The following FHIT variants were observed in gnomAD, a reference collection of about 807,000 sequenced individuals.
FHIT encodes bis(5'-adenosyl)-triphosphatase.
A neutral mutation model predicts 17.9 loss-of-function variants in FHIT; 19 were observed. The observed-to-expected ratio is 1.06, with a 90% CI of 0.74 to 1.56. FHIT has a LOEUF of 1.56. Among genes scored for constraint, FHIT ranks in the 40% most tolerant of loss-of-function variants. The pLI is 0.00. For missense variants in FHIT, 248 were observed against 189.2 expected, an observed-to-expected ratio of 1.31 and a Z score of -1.82; for synonymous variants, 81 against 69.7, an observed-to-expected ratio of 1.16 and a Z score of -0.81.
At chr3:61,097,697 G>T (rs1467787695) in intron 2 of FHIT, among the ~76,000 whole-genome samples, 1 of 152,116 alleles carries the variant, frequency 6.6e-6, no homozygotes, top group African/African-American at 2.4e-5. Flanking sequence ...TTTCTCTAAT[G>T]ATCAGTGATG....
chr3:59,817,989 G>A (rs1025946253), intron 8 of FHIT, among the ~76,000 whole-genome samples: 1 of 152,098 alleles, frequency 6.6e-6, no homozygotes, highest in African/African-American at 2.4e-5. Flanking sequence ...AGAAACTATA[G>A]AGACCACTGT....
intron 7 of FHIT, among the ~76,000 whole-genome samples, chr3:59,939,455 A>G (rs1442123930): frequency 6.6e-6 from 1 of 152,136 alleles, no homozygotes; most frequent in Non-Finnish European, 1.5e-5. Flanking sequence ...CCTTTTAGGA[A>G]CTTTCAGCAT....
chr3:60,701,646 C>T (rs532879341), intron 4 of FHIT, among the ~76,000 whole-genome samples: 2 of 152,134 alleles, frequency 1.3e-5, no homozygotes, highest in East Asian at 1.9e-4. Flanking sequence ...TACAAAATAG[C>T]TCAAGTACTG....
chr3:60,136,009 T>TA (rs750877018), intron 5 of FHIT, among the ~76,000 whole-genome samples: 145 of 152,236 alleles, frequency 9.5e-4, no homozygotes, highest in Non-Finnish European at 1.2e-3. Flanking sequence ...TGTATTTGAG[T>TA]AATTGCTGGT....
chr3:59,791,374 T>A (rs1417743356), intron 8 of FHIT, among the ~76,000 whole-genome samples: 1 of 152,204 alleles, frequency 6.6e-6, no homozygotes, highest in Non-Finnish European at 1.5e-5. Context: ...TAGTAGGATG[T>A]GAGCCTCCGG....
chr3:59,799,263 TA>T (rs138465978), intron 8 of FHIT, among the ~76,000 whole-genome samples: 2,140 of 152,230 alleles, frequency 0.014, 53 homozygotes, highest in African/African-American at 0.048. Context: ...GGAGGCACAG[TA>T]AAAATGAAAG....
intron 4 of FHIT, among the ~76,000 whole-genome samples, chr3:60,614,819 TG>T (rs1559583537): frequency 0.23 from 26,063 of 113,974 alleles, 6,144 homozygotes; most frequent in Non-Finnish European, 0.3. Context: ...GTTTTTTTTT[TG>T]TTTTTTTTTT....
chr3:60,567,553 C>A (rs1405468192), intron 4 of FHIT, among the ~76,000 whole-genome samples: 1 of 152,128 alleles, frequency 6.6e-6, no homozygotes, highest in East Asian at 1.9e-4. Context: ...TGGGCAAGGA[C>A]TTCATGTCCA....
At chr3:60,281,482 G>C (rs564688932) in intron 5 of FHIT, among the ~76,000 whole-genome samples, 11 of 152,068 alleles carry the variant, frequency 7.2e-5, no homozygotes, top group African/African-American at 1.4e-4. Flanking sequence ...TGACAGAATA[G>C]GTAAGTGAAT....
At chr3:59,931,905 G>C (rs961048368) in intron 7 of FHIT, among the ~76,000 whole-genome samples, 3 of 152,044 alleles carry the variant, frequency 2.0e-5, no homozygotes, top group Admixed American at 2.0e-4. Flanking sequence ...CACAATGAGA[G>C]TTTAAAGGAG....
At chr3:60,973,806 A>C (rs531285445) in intron 3 of FHIT, among the ~76,000 whole-genome samples, 4 of 152,300 alleles carry the variant, frequency 2.6e-5, no homozygotes, top group African/African-American at 9.6e-5. Flanking sequence ...AGTATGGAAG[A>C]GTGGAGAAGG....
intron 3 of FHIT, among the ~76,000 whole-genome samples, chr3:61,006,444 G>A (rs759284034): frequency 4.0e-5 from 6 of 151,814 alleles, no homozygotes; most frequent in African/African-American, 7.3e-5. Flanking sequence ...AATATTTCAC[G>A]AATCCAAGGT....
chr3:60,928,548 CTAAATAAATAAA>C (rs59452376), intron 3 of FHIT, among the ~76,000 whole-genome samples: 2 of 140,490 alleles, frequency 1.4e-5, no homozygotes, highest in Non-Finnish European at 1.5e-5. Context: ...GACTCTGTCT[CTAAATAAATAAA>C]TAAATAAATA....
intron 5 of FHIT, among the ~76,000 whole-genome samples, chr3:60,444,753 G>A (rs922663905): frequency 2.6e-5 from 4 of 151,826 alleles, no homozygotes; most frequent in Non-Finnish European, 5.9e-5. Context: ...TGAATGACGA[G>A]TTAATGGGTG....
chr3:60,394,698 G>C (rs1352930315), intron 5 of FHIT, among the ~76,000 whole-genome samples: 5 of 152,296 alleles, frequency 3.3e-5, no homozygotes, highest in African/African-American at 1.2e-4. Flanking sequence ...TGAGAATTAA[G>C]TGAGTTGATA....
chr3:59,939,586 A>G (rs886729598), intron 7 of FHIT, among the ~76,000 whole-genome samples: 2 of 152,196 alleles, frequency 1.3e-5, no homozygotes, highest in African/African-American at 4.8e-5. Context: ...CAAGAAAGCC[A>G]ATTGAAGGCT....
At chr3:60,069,504 G>A (rs987751417) in intron 5 of FHIT, among the ~76,000 whole-genome samples, 1 of 152,164 alleles carries the variant, frequency 6.6e-6, no homozygotes, top group Non-Finnish European at 1.5e-5. Context: ...TGCAGGTCCA[G>A]CAAAGAGACA....
At position 59,955,853 on chromosome 3, in the gene FHIT, G is replaced by A. The variant is rs929182589; in HGVS notation, c.280-33439C>T. ...CAGCACTGTCTCTCATCTGAATGACGGCAATCACCTCCTAACTCCACTCCT... is the reference window on the plus strand; with the variant it reads ...CAGCACTGTCTCTCATCTGAATGACAGCAATCACCTCCTAACTCCACTCCT... On this transcript the variant is annotated intron_variant, in intron 7 of 9. Coordinates refer to ENST00000492590, the MANE Select transcript of FHIT (RefSeq NM_002012.4). 5.3e-5 allele frequency among the ~76,000 whole-genome samples: 8 copies of A among 152,058 alleles called. No individual in the cohort carries two copies. The East Asian group carries it at 5.8e-4, about 11-fold the overall frequency.
intron 5 of FHIT, among the ~76,000 whole-genome samples, chr3:60,172,307 C>G (rs1701456847): frequency 6.6e-6 from 1 of 152,048 alleles, no homozygotes; most frequent in Non-Finnish European, 1.5e-5. Context: ...TTCTTGTTGC[C>G]CAGGCTGCAG....
Sources: gnomAD v4.1 joint callset for allele counts (sites outside exome capture counted in the v4.1 genomes callset) on GRCh38, gnomAD v4.1.1 for gene constraint, MANE v1.5 for transcripts, NCBI Gene and HGNC (gene_info 2026-07-23, HGNC 2026-07-21) for gene names.